SCN3A: variants seen among roughly 807,000 people sequenced by gnomAD.
SCN3A encodes sodium voltage-gated channel alpha subunit 3.
Under a neutral mutation model 187.6 loss-of-function variants are expected in SCN3A, and 60 were observed. That is an observed-to-expected ratio of 0.32 (90% CI 0.26 to 0.40). The LOEUF is 0.40. Among genes scored for constraint, SCN3A ranks in the 10% least tolerant of loss-of-function variants. SCN3A has a pLI of 1.00. For synonymous variants in SCN3A, 788 were observed against 829.2 expected (o/e 0.95, Z 0.85); for missense variants, 1,601 against 2,428.2 (o/e 0.66, Z 7.16).
intron 21 of SCN3A, among the ~76,000 whole-genome samples, chr2:165,104,959 T>C (rs1438836161): frequency 6.6e-6 from 1 of 152,158 alleles, no homozygotes; most frequent in Non-Finnish European, 1.5e-5. Context: ...CATTCTGGAC[T>C]GTGGAAAGCA....
chr2:165,128,471 A>G (rs1687129527), intron 17 of SCN3A, among the ~76,000 whole-genome samples: 2 of 152,024 alleles, frequency 1.3e-5, no homozygotes, highest in Admixed American at 6.6e-5. Context: ...CTTCTTAATC[A>G]TTTTATCTTA....
rs769734235 is a variant in SCN3A at position 165,139,558 on chromosome 2, C to G, written c.2070G>C (p.Gln690His). 8.1e-6 allele frequency: 13 copies of G among 1,613,820 alleles called. No homozygotes were observed. The highest frequency in any genetic ancestry group is 9.3e-6 in the Non-Finnish European group (11 of 1,179,906). ...EVRKRRLSSY[Q>H]ISMEMLEDSS... The stretch of plus-strand genomic sequence containing the variant: ...AATCCTCCAGCATCTCCATTGAAAT[C>G]TGGTAAGAGCTTAACCTTCTCTTTC... Residue 690 changes from glutamine (Q) to histidine (H), a missense_variant, in exon 14 of 28, where the codon CAG becomes CAC. Physicochemically the swap from Gln to His is conservative, Grantham distance 24 (BLOSUM62 0). Transcript: ENST00000283254.
At chr2:165,152,272 T>A (rs1465837202) in intron 11 of SCN3A, among the ~76,000 whole-genome samples, 1 of 152,200 alleles carries the variant, frequency 6.6e-6, no homozygotes, top group Non-Finnish European at 1.5e-5. Context: ...AAACAGTTGT[T>A]ATAACTGTAT....
rs35511955 is a variant in SCN3A, at chr2:165,128,426, CGA to C, written c.2923-327_2923-326del. Among the ~76,000 whole-genome samples the C allele has an allele frequency of 5.0e-3, 703 of 139,682 alleles. 1 individual carries two copies. Among genetic ancestry groups the C allele is most frequent in the Middle Eastern group, 0.014 (4 of 278 alleles). 91.6% of individuals were successfully genotyped at this position (139,682 alleles called of 152,430 possible). On this transcript the variant is annotated intron_variant, in intron 17 of 27. Coordinates refer to ENST00000283254, the MANE Select transcript of SCN3A (RefSeq NM_006922.4). ...ATCCTACCCTCAAGGATTCTGCCAA[CGA>C]GAGAGAGAGAGAGAGAGAGAGAAAG...
chr2:165,134,349 T>C (rs759906252), intron 15 of SCN3A, among the ~76,000 whole-genome samples: 9 of 152,360 alleles, frequency 5.9e-5, no homozygotes, highest in Non-Finnish European at 8.8e-5. Flanking sequence ...AGTTTATGAC[T>C]GTAAAGTCAA....
At chr2:165,110,506 C>T (rs968403473) in intron 21 of SCN3A, among the ~76,000 whole-genome samples, 2 of 152,104 alleles carry the variant, frequency 1.3e-5, no homozygotes, top group African/African-American at 4.8e-5. Context: ...TGATTGCTTC[C>T]TTTCTTTACC....
intron 26 of SCN3A, 47 bp downstream of exon 26, chr2:165,094,327 T>C: frequency 7.6e-7 from 1 of 1,321,478 alleles, no homozygotes; most frequent in Non-Finnish European, 1.1e-6. Flanking sequence ...AATTTGACCA[T>C]ATGGACGCAT....
rs1392430935 is a variant in SCN3A, at chr2:165,113,865, C to A, written c.3620G>T (p.Trp1207Leu). ...KTCYSIVEHNWFETFIVFMIL... is the reference protein window; with the variant it reads ...KTCYSIVEHNLFETFIVFMIL... ...CATGAACACAATGAAAGTCTCAAAC[C>A]AGTTGTGCTCAACAATACTGTAGCA... The change falls in exon 20 of 28, where the codon TGG becomes TTG. Residue 1207 changes from tryptophan to leucine, a missense_variant. This residue lies in a region of SCN3A where 267 missense variants were observed against 313.2 expected (regional missense o/e 0.85). Coordinates refer to ENST00000283254, the MANE Select transcript of SCN3A (RefSeq NM_006922.4). The A allele has an allele frequency of 6.2e-7, 1 of 1,614,020 alleles. No individual in the cohort carries two copies.
At chr2:165,156,241 T>C (rs150957737) in intron 9 of SCN3A, among the ~76,000 whole-genome samples, 8,927 of 152,130 alleles carry the variant, frequency 0.059, 354 homozygotes, top group Non-Finnish European at 0.093. Flanking sequence ...GTGCAGTGGC[T>C]CACGCCTGTA....
In SCN3A at chr2:165,146,195, G is replaced by C. The variant is rs1688308616; in HGVS notation, c.1671+544C>G. 1.3e-5 allele frequency among the ~76,000 whole-genome samples: 2 copies of C among 151,920 alleles called. 1 individual carries two copies. The highest frequency in any genetic ancestry group is 4.2e-4 in the South Asian group (2 of 4,816). On this transcript the variant is annotated intron_variant, in intron 12 of 27. Transcript: ENST00000283254. ...CCAGTTCTCTTAATCAAAGGATAAA[G>C]ACAAAACCCAAAGAACACTTCTTTT...
chr2:165,112,639 A>G (rs1686177192), intron 21 of SCN3A, among the ~76,000 whole-genome samples: 1 of 152,184 alleles, frequency 6.6e-6, no homozygotes. Flanking sequence ...TTTCAGAAAA[A>G]TAAAAGCTGT....
chr2:165,159,100 G>A lies in SCN3A; in HGVS notation c.1032-3197C>T, dbSNP rs1689215309. ...TTCCTGTTATTCTGCATCCTCATCA[G>A]AAGTTGGTATTGCCAGATACATTTT... On this transcript the variant is annotated intron_variant, in intron 9 of 27. Transcript: ENST00000283254. 3.6e-5 allele frequency among the ~76,000 whole-genome samples: 5 copies of A among 138,118 alleles called. 2 individuals are homozygous for A. In the South Asian group the frequency reaches 1.1e-3, roughly 31 times the overall value. The allele number at this position is 138,118 out of a possible 152,430, so 90.6% of individuals were successfully genotyped here.
intron 15 of SCN3A, among the ~76,000 whole-genome samples, chr2:165,132,593 A>G (rs1350462541): frequency 1.3e-5 from 2 of 152,212 alleles, no homozygotes; most frequent in African/African-American, 4.8e-5. Context: ...GAAAGCTGAA[A>G]CTGGATCCCT....
intron 1 of SCN3A, among the ~76,000 whole-genome samples, chr2:165,201,170 G>A (rs73021836): frequency 0.067 from 10,123 of 152,026 alleles, 925 homozygotes; most frequent in African/African-American, 0.21. Context: ...TTTGAAGTCC[G>A]TGATAACATA....
intron 11 of SCN3A, among the ~76,000 whole-genome samples, chr2:165,154,062 C>A (rs924938520): frequency 7.7e-6 from 1 of 130,184 alleles, no homozygotes; most frequent in Non-Finnish European, 1.5e-5. Flanking sequence ...AGTCTCTTGT[C>A]AACCTTTAAA....
chr2:165,176,333 G>A lies in SCN3A; in HGVS notation c.62C>T (p.Ser21Phe). Reference protein sequence around the residue: ...PESFRLFTRESLAAIEKRAAE... With the variant: ...PESFRLFTREFLAAIEKRAAE... Reference sequence around the variant, plus strand: ...AGCACGTTTTTCGATAGCAGCAAGAGATTCTCTAGTAAAAAGGCGGAAGCT... The same window carrying A: ...AGCACGTTTTTCGATAGCAGCAAGAAATTCTCTAGTAAAAAGGCGGAAGCT... Residue 21 changes from serine (S) to phenylalanine (F), a missense_variant, in exon 3 of 28, where the codon TCT (serine) becomes TTT (phenylalanine). By Grantham distance (155) the Ser-to-Phe change is radical. Coordinates refer to ENST00000283254, the MANE Select transcript of SCN3A (RefSeq NM_006922.4). The A allele has an allele frequency of 1.2e-6, 2 of 1,614,056 alleles. No individual in the cohort carries two copies. Among genetic ancestry groups the A allele is most frequent in the South Asian group, 2.2e-5 (2 of 91,068 alleles).
chr2:165,130,369 G>A, intron 16 of SCN3A, 73 bp from the exon 17 acceptor site: 1 of 1,502,648 alleles, frequency 6.7e-7, no homozygotes. Context: ...TTAGTATGTG[G>A]TATCATAGAA....
chr2:165,100,579 A>C (rs1455045024), intron 21 of SCN3A, among the ~76,000 whole-genome samples, 155 bp from the exon 22 acceptor site: 1 of 152,106 alleles, frequency 6.6e-6, no homozygotes, highest in East Asian at 1.9e-4. Context: ...TTATATTGCC[A>C]GTCTCATCTC....
At chr2:165,196,662 T>A (rs1446157190) in intron 1 of SCN3A, among the ~76,000 whole-genome samples, 1 of 152,128 alleles carries the variant, frequency 6.6e-6, no homozygotes, top group Admixed American at 6.6e-5. Flanking sequence ...TGCAATTAAT[T>A]ATTAATTTCG....
Sources: gnomAD v4.1 joint callset for allele counts (sites outside exome capture counted in the v4.1 genomes callset) on GRCh38, gnomAD v4.1.1 for gene constraint, gnomAD v4.1.1 regional missense constraint, MANE v1.5 for transcripts, NCBI Gene and HGNC (gene_info 2026-07-23, HGNC 2026-07-21) for gene names.